IGSF21: variants seen among roughly 807,000 people sequenced by gnomAD.
The protein encoded by IGSF21 is immunoglobin superfamily member 21.
Under a neutral mutation model 46.8 loss-of-function variants are expected in IGSF21, and 28 were observed. The observed-to-expected ratio is 0.60, with a 90% CI of 0.44 to 0.82. IGSF21 has a LOEUF of 0.82. Among genes scored for constraint, IGSF21 ranks in the 40% least tolerant of loss-of-function variants. The pLI, the probability that IGSF21 is intolerant of heterozygous loss-of-function variation, is 0.00. For missense variants in IGSF21, 624 were observed against 665.5 expected (o/e 0.94, Z 0.69); for synonymous variants, 284 against 273.6 (o/e 1.04, Z -0.38).
intron 1 of IGSF21, among the ~76,000 whole-genome samples, chr1:18,167,349 C>T (rs948670261): frequency 1.3e-5 from 2 of 152,124 alleles, no homozygotes; most frequent in East Asian, 3.9e-4. Flanking sequence ...TAGATATGAC[C>T]GGCCTTATTG....
At chr1:18,219,911 A>G (rs1482620170) in intron 1 of IGSF21, among the ~76,000 whole-genome samples, 1 of 152,202 alleles carries the variant, frequency 6.6e-6, no homozygotes, top group Non-Finnish European at 1.5e-5. Flanking sequence ...CATCTGCTGC[A>G]AGCTCCTTTG....
chr1:18,299,415 G>A (rs2085340787), intron 3 of IGSF21, among the ~76,000 whole-genome samples: 1 of 152,164 alleles, frequency 6.6e-6, no homozygotes, highest in African/African-American at 2.4e-5. Flanking sequence ...TTTTACAGTT[G>A]ATACAAAGAA....
At chr1:18,274,612 G>T (rs1028376049) in intron 2 of IGSF21, among the ~76,000 whole-genome samples, 1 of 152,344 alleles carries the variant, frequency 6.6e-6, no homozygotes, top group Non-Finnish European at 1.5e-5. Context: ...TGTGACAGAC[G>T]CTGTGTAGCC....
intron 1 of IGSF21, among the ~76,000 whole-genome samples, chr1:18,174,632 T>G (rs2086777329): frequency 6.6e-6 from 1 of 152,204 alleles, no homozygotes; most frequent in African/African-American, 2.4e-5. Context: ...CTTAGGGTTC[T>G]CTTTGCCTGG....
intron 1 of IGSF21, among the ~76,000 whole-genome samples, chr1:18,171,766 G>A (rs1050860577): frequency 9.9e-5 from 15 of 152,182 alleles, no homozygotes; most frequent in African/African-American, 3.4e-4. Flanking sequence ...ATTTTGTTGA[G>A]TAATTCCCCT....
At chr1:18,265,502 CT>C (rs1290850709) in intron 2 of IGSF21, among the ~76,000 whole-genome samples, 6 of 152,196 alleles carry the variant, frequency 3.9e-5, no homozygotes, top group Non-Finnish European at 8.8e-5. Flanking sequence ...TCACTTGCCC[CT>C]GTACATAAAT....
chr1:18,359,372 AAG>A (rs1166597814), intron 4 of IGSF21, among the ~76,000 whole-genome samples: 1 of 111,452 alleles, frequency 9.0e-6, no homozygotes, highest in Non-Finnish European at 1.9e-5. Flanking sequence ...GAAAGAAAGA[AAG>A]AAAGAAAGAA....
chr1:18,142,781 G>A (rs1403302846), intron 1 of IGSF21, among the ~76,000 whole-genome samples: 1 of 152,212 alleles, frequency 6.6e-6, no homozygotes, highest in Non-Finnish European at 1.5e-5. Context: ...TCAGGCCTCT[G>A]CCTGACCCCT....
chr1:18,252,194 G>A (rs1471714689), intron 2 of IGSF21, among the ~76,000 whole-genome samples: 1 of 151,778 alleles, frequency 6.6e-6, no homozygotes, highest in Non-Finnish European at 1.5e-5. Context: ...GGGACTACAG[G>A]CGCCTGCCAC....
intron 1 of IGSF21, among the ~76,000 whole-genome samples, chr1:18,155,750 G>T (rs2086562713): frequency 6.6e-6 from 1 of 152,220 alleles, no homozygotes; most frequent in Non-Finnish European, 1.5e-5. Context: ...AGCCGGGAAG[G>T]GCTGGAAGAG....
chr1:18,263,051 AT>A (rs1432031508), intron 2 of IGSF21, among the ~76,000 whole-genome samples: 1 of 152,072 alleles, frequency 6.6e-6, no homozygotes, highest in Non-Finnish European at 1.5e-5. Flanking sequence ...GGATGGGGCA[AT>A]TGGCACCTGC....
intron 2 of IGSF21, among the ~76,000 whole-genome samples, chr1:18,287,414 C>T (rs1269858714): frequency 1.3e-5 from 2 of 150,608 alleles, no homozygotes; most frequent in African/African-American, 4.9e-5. Context: ...AACAAACAAA[C>T]AAAACAAAAA....
Position 18,290,525 on chromosome 1 carries a change from A to G in IGSF21, c.184-1341A>G, listed in dbSNP as rs1264986851. Among the ~76,000 whole-genome samples, 3 of 152,174 alleles carry G rather than the reference A, an allele frequency of 2.0e-5. No homozygotes were observed. The highest frequency in any genetic ancestry group is 7.2e-5 in the African/African-American group (3 of 41,442). ...TTACTCTTTACAAAGCTTGCAGGCT[A>G]TGGAAAGTGACTGGCACAGACGTAG... is the stretch of plus-strand genomic sequence containing the variant. On this transcript the variant is annotated intron_variant, in intron 2 of 9. Coordinates refer to ENST00000251296, the MANE Select transcript of IGSF21 (RefSeq NM_032880.5). The surrounding 1 kb of genome is among the most constrained non-coding windows in gnomAD (Gnocchi z 4.2).
intron 1 of IGSF21, among the ~76,000 whole-genome samples, chr1:18,198,921 GC>G (rs1418667975): frequency 6.6e-6 from 1 of 151,760 alleles, no homozygotes; most frequent in Non-Finnish European, 1.5e-5. Flanking sequence ...CTGCCCAGAT[GC>G]CCCCCCAAAG....
intron 1 of IGSF21, 105 bp from the exon 2 acceptor site, chr1:18,227,793 C>T: frequency 1.3e-6 from 1 of 792,490 alleles, no homozygotes; most frequent in Non-Finnish European, 2.2e-6. Flanking sequence ...ACTACAGACC[C>T]CAAACTTCCC....
In IGSF21 at chr1:18,203,956, T is replaced by C. The variant is rs558464473; in HGVS notation, c.71-23942T>C. ...TCCTACAGAAACAGGCTGGCCAAGA[T>C]TTGATCTGGGGCCATCGCTTGCCGA... On this transcript the variant is annotated intron_variant, in intron 1 of 9. Coordinates refer to ENST00000251296, the MANE Select transcript of IGSF21 (RefSeq NM_032880.5). Among the ~76,000 whole-genome samples the C allele has an allele frequency of 3.9e-5, 6 of 152,348 alleles. No homozygotes were observed. The South Asian group carries it at 1.2e-3, about 32-fold the overall frequency.
intron 2 of IGSF21, among the ~76,000 whole-genome samples, chr1:18,279,555 G>C (rs1041975564): frequency 3.3e-5 from 5 of 152,160 alleles, no homozygotes; most frequent in African/African-American, 1.2e-4. Flanking sequence ...TTTAACAGAT[G>C]GGGGAGCCAA....
At chr1:18,148,935 A>G (rs1570269036) in intron 1 of IGSF21, among the ~76,000 whole-genome samples, 1 of 152,214 alleles carries the variant, frequency 6.6e-6, no homozygotes, top group Admixed American at 6.5e-5. Context: ...TCTTATACTC[A>G]TTAAAAAAGC....
chr1:18,253,380 A>G (rs1226324568), intron 2 of IGSF21, among the ~76,000 whole-genome samples: 2 of 152,148 alleles, frequency 1.3e-5, no homozygotes, highest in Non-Finnish European at 2.9e-5. Context: ...GGAGCAGGGG[A>G]GCCAATGCAC....
Sources: gnomAD v4.1 joint callset for allele counts (sites outside exome capture counted in the v4.1 genomes callset) on GRCh38, gnomAD v4.1.1 for gene constraint, Gnocchi (gnomAD v3.1) non-coding constraint, MANE v1.5 for transcripts, NCBI Gene and HGNC (gene_info 2026-07-23, HGNC 2026-07-21) for gene names.